IL1RAP: variants seen among roughly 807,000 people sequenced by gnomAD.
IL1RAP encodes the protein interleukin 1 receptor accessory protein, also known as interleukin-1 receptor accessory protein.
IL1RAP carries 35 observed loss-of-function variants against 60.7 expected under a neutral mutation model. That is an observed-to-expected ratio of 0.58 (90% CI 0.44 to 0.76). The LOEUF is 0.76. Ranked by LOEUF, IL1RAP falls within the 30% of genes least tolerant of loss-of-function variation. The pLI is 0.00. For synonymous variants in IL1RAP, 268 were observed against 250.9 expected (o/e 1.07, Z -0.64); for missense variants, 572 against 693.9 (o/e 0.82, Z 1.97).
At chr3:190,609,670 G>A (rs1460214404) in intron 5 of IL1RAP, among the ~76,000 whole-genome samples, 1 of 152,160 alleles carries the variant, frequency 6.6e-6, no homozygotes, top group African/African-American at 2.4e-5. Flanking sequence ...GTGTTGGAAG[G>A]TAGCGCTTGT....
intron 3 of IL1RAP, among the ~76,000 whole-genome samples, chr3:190,594,718 T>C (rs1283348261): frequency 6.6e-6 from 1 of 152,234 alleles, no homozygotes; most frequent in East Asian, 1.9e-4. Context: ...AAATGGGGCA[T>C]GTCTAGCAGT....
chr3:190,659,691 A>G (rs1212760197), exon 12 of IL1RAP: 1 of 152,212 alleles, frequency 6.6e-6, no homozygotes, highest in Non-Finnish European at 1.5e-5. Flanking sequence ...CTGTTTGAAC[A>G]TGGTCTCTCT....
At chr3:190,648,204 C>A in intron 11 of IL1RAP, 134 bp from the exon 12 acceptor site, 2 of 1,150,958 alleles carry the variant, frequency 1.7e-6, no homozygotes, top group Non-Finnish European at 2.5e-6. Context: ...AAGTTGTTCA[C>A]ATTTTTGCTG....
chr3:190,655,732 T>C (rs994553246), downstream of IL1RAP, among the ~76,000 whole-genome samples: 2 of 151,784 alleles, frequency 1.3e-5, no homozygotes, highest in East Asian at 3.9e-4. Flanking sequence ...TTGACAAGAG[T>C]GGTGTAGATT....
intron 3 of IL1RAP, among the ~76,000 whole-genome samples, chr3:190,574,911 C>G (rs1450672881): frequency 1.3e-5 from 2 of 152,182 alleles, no homozygotes; most frequent in East Asian, 3.8e-4. Context: ...CACAGGTAAG[C>G]TATTCCACTT....
intron 5 of IL1RAP, among the ~76,000 whole-genome samples, chr3:190,616,447 G>A (rs1174882584): frequency 6.6e-6 from 1 of 151,802 alleles, no homozygotes; most frequent in East Asian, 1.9e-4. Flanking sequence ...CAATTGTATA[G>A]CCAGCTCCTA....
chr3:190,561,152 T>G (rs1725853163), intron 2 of IL1RAP, among the ~76,000 whole-genome samples: 1 of 152,158 alleles, frequency 6.6e-6, no homozygotes, highest in Non-Finnish European at 1.5e-5. Context: ...TCCCTTTGCT[T>G]TCTGACAGTT....
intron 7 of IL1RAP, among the ~76,000 whole-genome samples, chr3:190,625,716 G>A (rs969527716): frequency 3.9e-5 from 6 of 152,094 alleles, no homozygotes; most frequent in African/African-American, 1.4e-4. Context: ...AGATAAGTTT[G>A]AAAATATGAC....
Position 190,549,491 on chromosome 3 carries a change from C to T in IL1RAP, c.-88-6639C>T, listed in dbSNP as rs146467822. Reference sequence around the variant, plus strand: ...CAGAAGGGGCCATCATCCAAAGCTCCGGTTGCAAGACCATTTGGAGTTTGA... The same window carrying T: ...CAGAAGGGGCCATCATCCAAAGCTCTGGTTGCAAGACCATTTGGAGTTTGA... On this transcript the variant is annotated intron_variant, in intron 1 of 11. Coordinates refer to ENST00000447382, the MANE Select transcript of IL1RAP (RefSeq NM_002182.4). Among the ~76,000 whole-genome samples the T allele has an allele frequency of 4.6e-3, 695 of 152,210 alleles. 4 individuals carry two copies. Among genetic ancestry groups the T allele is most frequent in the African/African-American group, 0.016 (658 of 41,520 alleles).
chr3:190,533,725 T>C (rs1018786083), intron 1 of IL1RAP, among the ~76,000 whole-genome samples: 44 of 152,084 alleles, frequency 2.9e-4, no homozygotes, highest in African/African-American at 1.1e-3. Context: ...CTGCCAGCTC[T>C]GGATTTTTGA....
intron 3 of IL1RAP, among the ~76,000 whole-genome samples, chr3:190,597,467 CAGGA>C (rs1410211672): frequency 6.6e-6 from 1 of 152,156 alleles, no homozygotes; most frequent in Non-Finnish European, 1.5e-5. Flanking sequence ...TGAGCAGTGG[CAGGA>C]ATCCAGATTC....
chr3:190,545,828 G>GC (rs1253031925), intron 1 of IL1RAP, among the ~76,000 whole-genome samples: 1 of 152,164 alleles, frequency 6.6e-6, no homozygotes, highest in Non-Finnish European at 1.5e-5. Context: ...TGAAATCCCT[G>GC]CTAGGGTATG....
At chr3:190,582,846 G>A (rs1337414637) in intron 3 of IL1RAP, among the ~76,000 whole-genome samples, 3 of 152,202 alleles carry the variant, frequency 2.0e-5, no homozygotes, top group Non-Finnish European at 2.9e-5. Flanking sequence ...CCTACCTGTT[G>A]CTTCAGCTTC....
chr3:190,536,616 A>G (rs1041113928), intron 1 of IL1RAP, among the ~76,000 whole-genome samples: 2 of 152,208 alleles, frequency 1.3e-5, no homozygotes, highest in African/African-American at 4.8e-5. Flanking sequence ...TCAAAATGCC[A>G]TCCATAGGGA....
chr3:190,577,761 G>T (rs552828037), intron 3 of IL1RAP, among the ~76,000 whole-genome samples: 3 of 152,060 alleles, frequency 2.0e-5, no homozygotes, highest in African/African-American at 7.2e-5. Flanking sequence ...TGAATTCCTG[G>T]CCTCAGGAGA....
intron 1 of IL1RAP, among the ~76,000 whole-genome samples, chr3:190,543,748 G>A (rs1250574796): frequency 6.6e-6 from 1 of 152,182 alleles, no homozygotes; most frequent in Non-Finnish European, 1.5e-5. Context: ...TGCTTGATAT[G>A]TGAGAAGTAG....
Position 190,621,200 on chromosome 3 carries a change from C to T in IL1RAP, c.703+760C>T, listed in dbSNP as rs1484603238. Among the ~76,000 whole-genome samples the T allele has an allele frequency of 3.3e-5, 5 of 152,302 alleles. No individual in the cohort carries two copies. The East Asian group carries it at 9.6e-4, about 29-fold the overall frequency. On this transcript the variant is annotated intron_variant, in intron 6 of 11. Coordinates refer to ENST00000447382, the MANE Select transcript of IL1RAP (RefSeq NM_002182.4). ...TTAATAGATGGAAACATTAGGCTCACTGACAAGAAGTAACCTGTTTAGAGA... is the reference window on the plus strand; with the variant it reads ...TTAATAGATGGAAACATTAGGCTCATTGACAAGAAGTAACCTGTTTAGAGA...
intron 1 of IL1RAP, among the ~76,000 whole-genome samples, chr3:190,549,393 T>C (rs1004812562): frequency 2.0e-5 from 3 of 152,042 alleles, no homozygotes; most frequent in Non-Finnish European, 4.4e-5. Context: ...AACTGCTTCC[T>C]GCTGACAGGG....
intron 3 of IL1RAP, among the ~76,000 whole-genome samples, chr3:190,568,235 G>A (rs185642515): frequency 3.3e-5 from 5 of 152,182 alleles, no homozygotes; most frequent in Middle Eastern, 3.4e-3. Context: ...CAGGAACTTC[G>A]CAGGAACCAT....
Sources: gnomAD v4.1 joint callset for allele counts (sites outside exome capture counted in the v4.1 genomes callset) on GRCh38, gnomAD v4.1.1 for gene constraint, MANE v1.5 for transcripts, NCBI Gene and HGNC (gene_info 2026-07-23, HGNC 2026-07-21) for gene names.